LNPEP: variants seen among roughly 807,000 people sequenced by gnomAD.
The protein encoded by LNPEP is leucyl and cystinyl aminopeptidase, also known as leucyl-cystinyl aminopeptidase.
A neutral mutation model predicts 120.6 loss-of-function variants in LNPEP; 64 were observed. The observed-to-expected ratio is 0.53, with a 90% CI of 0.43 to 0.65. LNPEP has a LOEUF of 0.65. LNPEP is among the 30% of genes least tolerant of loss of function. The pLI, the probability that LNPEP is intolerant of heterozygous loss-of-function variation, is 0.00. For synonymous variants in LNPEP, 435 were observed against 425.4 expected, an observed-to-expected ratio of 1.02 and a Z score of -0.28; for missense variants, 1,057 against 1,200.0, an observed-to-expected ratio of 0.88 and a Z score of 1.76.
At chr5:96,980,036 A>T (rs1381234595) in intron 2 of LNPEP, 58 bp downstream of exon 2, 3 of 1,484,406 alleles carry the variant, frequency 2.0e-6, no homozygotes, top group East Asian at 4.6e-5. Context: ...TGCAATATAG[A>T]TCCCTTTGTC....
intron 2 of LNPEP, among the ~76,000 whole-genome samples, chr5:96,981,911 G>T (rs1476874224): frequency 1.3e-5 from 2 of 152,030 alleles, no homozygotes; most frequent in East Asian, 3.8e-4. Flanking sequence ...TTTAATTCAA[G>T]ACCGTTTTTG....
chr5:96,983,366 G>C (rs956262017), intron 2 of LNPEP, among the ~76,000 whole-genome samples: 2 of 152,128 alleles, frequency 1.3e-5, no homozygotes, highest in Admixed American at 1.3e-4. Flanking sequence ...TTCAGATCTA[G>C]TTATTCTTTT....
At chr5:97,000,074 C>T (rs1197263146) in intron 8 of LNPEP, among the ~76,000 whole-genome samples, 1 of 152,024 alleles carries the variant, frequency 6.6e-6, no homozygotes, top group Non-Finnish European at 1.5e-5. Flanking sequence ...GTGAAGTTTC[C>T]ATTTCAGGGG....
rs572704348 is a variant in LNPEP at position 96,973,925 on chromosome 5, C to T, written c.20-5213C>T. On this transcript the variant is annotated intron_variant, in intron 1 of 17. Coordinates refer to ENST00000231368, the MANE Select transcript of LNPEP (RefSeq NM_005575.3). The stretch of plus-strand genomic sequence containing the variant: ...CTCAATTGATGACTTGCTCTCTTGC[C>T]GGTAGCCTCTATGCACTGTAAATTT... Among the ~76,000 whole-genome samples the T allele has an allele frequency of 4.6e-5, 7 of 152,038 alleles. No individual in the cohort carries two copies. The East Asian group carries it at 5.8e-4, about 13-fold the overall frequency.
In LNPEP at chr5:97,036,039, A is replaced by G. The variant is rs1791567555; in HGVS notation, c.*7506A>G. 6.6e-6 allele frequency: 1 copy of G among 152,212 alleles called. No homozygotes were observed. The highest frequency in any genetic ancestry group is 2.4e-5 in the African/African-American group (1 of 41,458). The allele number at this position is 152,212 out of a possible 1,614,324, so 9.4% of individuals were successfully genotyped here. ...AAACCGGCGAAGCTGATAAGCCAAT[A>G]AGAGTGCTGTCTAGAACGCATTTGC... On this transcript the variant is annotated 3_prime_UTR_variant, in exon 18 of 18. Transcript: ENST00000231368.
intron 8 of LNPEP, among the ~76,000 whole-genome samples, chr5:97,002,381 T>G (rs886290673): frequency 1.3e-5 from 2 of 152,154 alleles, no homozygotes; most frequent in African/African-American, 4.8e-5. Flanking sequence ...TCGTTTTTGT[T>G]TTGTTAATGG....
At chr5:96,953,716 A>C (rs1415469206) in intron 1 of LNPEP, among the ~76,000 whole-genome samples, 3 of 152,132 alleles carry the variant, frequency 2.0e-5, no homozygotes, top group Admixed American at 6.5e-5. Context: ...TCTCTTGTCC[A>C]TTTGTATCTT....
intron 1 of LNPEP, among the ~76,000 whole-genome samples, chr5:96,957,323 A>T (rs1337595303): frequency 2.0e-5 from 3 of 152,194 alleles, no homozygotes; most frequent in East Asian, 1.9e-4. Flanking sequence ...AGTGGCTCCA[A>T]TGTTAGTTTA....
At chr5:96,967,264 T>C (rs746834677) in intron 1 of LNPEP, among the ~76,000 whole-genome samples, 1 of 152,074 alleles carries the variant, frequency 6.6e-6, no homozygotes, top group Non-Finnish European at 1.5e-5. Flanking sequence ...ACAGTAAAAC[T>C]CAACGTACTG....
intron 15 of LNPEP, 53 bp downstream of exon 15, chr5:97,024,735 T>C: frequency 2.0e-6 from 3 of 1,520,100 alleles, no homozygotes; most frequent in South Asian, 1.2e-5. Context: ...ATACAAACAC[T>C]GTGCTCTTGG....
In LNPEP at chr5:96,986,617, G is replaced by C; in HGVS notation, c.1078G>C (p.Ala360Pro). 1 of 1,613,634 alleles carries C rather than the reference G, an allele frequency of 6.2e-7. No individual in the cohort carries two copies. The highest frequency in any genetic ancestry group is 8.5e-7 in the Non-Finnish European group (1 of 1,179,680). The change falls in exon 4 of 18, where the codon GCT (alanine) becomes CCT (proline). Residue 360 changes from alanine to proline, a missense_variant. Physicochemically the swap from Ala to Pro is conservative, Grantham distance 27 (BLOSUM62 -1). Coordinates refer to ENST00000231368, the MANE Select transcript of LNPEP (RefSeq NM_005575.3). ...ESVKMSTYLV[A>P]FIVGEMKNLS... ...TGTGAAGATGAGCACTTACTTGGTT[G>C]CTTTCATTGTGGGAGAGATGAAGAA...
At chr5:97,003,692 A>G in intron 9 of LNPEP, 146 bp downstream of exon 9, 1 of 449,042 alleles carries the variant, frequency 2.2e-6, no homozygotes, top group African/African-American at 2.0e-5. Context: ...CTATATAAAT[A>G]TTTATGAATG....
At position 97,024,571 on chromosome 5, in the gene LNPEP, A is replaced by T. The variant is rs1349668425; in HGVS notation, c.2612A>T (p.Asp871Val). Reference protein sequence around the residue: ...TTVFKVGAKTDKGWSFLLGKY... With the variant: ...TTVFKVGAKTVKGWSFLLGKY... ...GTGTTCAAAGTTGGAGCAAAAACTG[A>T]CAAAGGCTGGTCATTCCTTTTGGGC... The change falls in exon 15 of 18, where the codon GAC becomes GTC. Residue 871 changes from aspartate (D) to valine (V), a missense_variant. Transcript: ENST00000231368. 5.6e-6 allele frequency: 9 copies of T among 1,614,038 alleles called. No individual in the cohort carries two copies. In the East Asian group the frequency reaches 1.3e-4, roughly 24 times the overall value.
At chr5:97,002,597 T>G (rs2112640974) in intron 8 of LNPEP, among the ~76,000 whole-genome samples, 1 of 152,356 alleles carries the variant, frequency 6.6e-6, no homozygotes, top group East Asian at 1.9e-4. Flanking sequence ...CAAAAACTAC[T>G]AGAGTGCCTA....
At position 97,024,620 on chromosome 5, in the gene LNPEP, A is replaced by G. The variant is rs1471851786; in HGVS notation, c.2661A>G (p.Glu887=). The change falls in exon 15 of 18, where the codon GAA becomes GAG. Residue 887 remains glutamate, a synonymous_variant. Coordinates refer to ENST00000231368, the MANE Select transcript of LNPEP (RefSeq NM_005575.3). ...LLGKYISIGS[E]AEKNKILEAL... is the part of the protein sequence containing the mutation. ...GCAAATACATTTCTATAGGCTCTGA[A>G]GCAGAGAAGAACAAAATACTAGAAG... 1.2e-6 allele frequency: 2 copies of G among 1,614,148 alleles called. No homozygotes were observed. The highest frequency in any genetic ancestry group is 2.2e-5 in the South Asian group (2 of 91,084).
At chr5:97,002,536 G>A (rs532326733) in intron 8 of LNPEP, among the ~76,000 whole-genome samples, 1 of 152,284 alleles carries the variant, frequency 6.6e-6, no homozygotes, top group African/African-American at 2.4e-5. Context: ...ATTTAGTTAT[G>A]TGTACAATAA....
At chr5:97,018,246 T>G (rs1226228103) in intron 13 of LNPEP, among the ~76,000 whole-genome samples, 2 of 151,996 alleles carry the variant, frequency 1.3e-5, no homozygotes, top group Admixed American at 1.3e-4. Context: ...AGGCAGAATA[T>G]CTCCCGACTC....
At chr5:97,028,169 G>C (rs1254411374) in intron 17 of LNPEP, among the ~76,000 whole-genome samples, 1 of 152,100 alleles carries the variant, frequency 6.6e-6, no homozygotes, top group Non-Finnish European at 1.5e-5. Context: ...TTTTAAGTTA[G>C]AAAAATGTAT....
At chr5:97,025,228 A>G (rs1013248361) in intron 15 of LNPEP, among the ~76,000 whole-genome samples, 4 of 152,198 alleles carry the variant, frequency 2.6e-5, no homozygotes, top group Admixed American at 6.5e-5. Context: ...GGAGCTCTAC[A>G]TAGCCAAGAG....
Sources: gnomAD v4.1 joint callset for allele counts (sites outside exome capture counted in the v4.1 genomes callset) on GRCh38, gnomAD v4.1.1 for gene constraint, MANE v1.5 for transcripts, NCBI Gene and HGNC (gene_info 2026-07-23, HGNC 2026-07-21) for gene names.